The following GTF2E2 variants were observed in gnomAD, a reference collection of about 807,000 sequenced individuals.
The protein encoded by GTF2E2 is transcription initiation factor IIE subunit beta.
GTF2E2 carries 21 observed loss-of-function variants against 40.5 expected under a neutral mutation model. The ratio of observed to expected loss-of-function variants is 0.52; its 90% CI spans 0.37 to 0.75. The LOEUF (loss-of-function observed/expected upper bound fraction) is 0.75. Ranked by LOEUF, GTF2E2 falls within the 30% of genes least tolerant of loss-of-function variation. The probability of loss-of-function intolerance (pLI) is 0.00; values close to 1 mark genes in which losing one functional copy is unlikely to be tolerated. For synonymous variants in GTF2E2, 117 were observed against 121.6 expected, an observed-to-expected ratio of 0.96 and a Z score of 0.25; for missense variants, 298 against 338.4, an observed-to-expected ratio of 0.88 and a Z score of 0.94.
intron 5 of GTF2E2, among the ~76,000 whole-genome samples, chr8:30,609,119 A>G (rs2151126128): frequency 6.6e-6 from 1 of 152,192 alleles, no homozygotes; most frequent in South Asian, 2.1e-4. Flanking sequence ...TAGAAAAATT[A>G]GCTGAACACG....
intron 6 of GTF2E2, among the ~76,000 whole-genome samples, chr8:30,603,321 T>C (rs1188407409): frequency 6.6e-6 from 1 of 151,940 alleles, no homozygotes; most frequent in Admixed American, 6.6e-5. Context: ...TTACAACATA[T>C]AATAAAGACG....
In GTF2E2 at chr8:30,648,010, G is replaced by A. The variant is rs187676594; in HGVS notation, c.166+5423C>T. On this transcript the variant is annotated intron_variant, in intron 2 of 7. Transcript: ENST00000355904. ...ATTGGAAGCTCTGTCAAAAAGAGTAGTGATATGGGAACTCAAAGGTTATAC... is the reference window on the plus strand; with the variant it reads ...ATTGGAAGCTCTGTCAAAAAGAGTAATGATATGGGAACTCAAAGGTTATAC... 4.5e-4 allele frequency among the ~76,000 whole-genome samples: 69 copies of A among 152,312 alleles called. 1 individual carries two copies. The highest frequency in any genetic ancestry group is 1.6e-3 in the African/African-American group (68 of 41,556).
At chr8:30,598,223 C>T (rs1200477485) in intron 6 of GTF2E2, among the ~76,000 whole-genome samples, 2 of 152,194 alleles carry the variant, frequency 1.3e-5, no homozygotes, top group Non-Finnish European at 2.9e-5. Flanking sequence ...ACACTTTCTA[C>T]CACTGCAAAA....
chr8:30,639,470 C>G (rs182804921), intron 2 of GTF2E2, among the ~76,000 whole-genome samples: 5 of 152,104 alleles, frequency 3.3e-5, no homozygotes, highest in Admixed American at 6.6e-5. Flanking sequence ...CAAAGTAAGT[C>G]CTTTTGATAA....
intron 2 of GTF2E2, among the ~76,000 whole-genome samples, chr8:30,644,270 T>C (rs1035447472): frequency 6.6e-6 from 1 of 152,212 alleles, no homozygotes; most frequent in Admixed American, 6.5e-5. Context: ...CAGCTTCTTT[T>C]GTGAAATGGA....
At chr8:30,608,960 AGGAC>A (rs1829401951) in intron 5 of GTF2E2, among the ~76,000 whole-genome samples, 1 of 151,838 alleles carries the variant, frequency 6.6e-6, no homozygotes, top group Admixed American at 6.6e-5. Context: ...CATGTTAGCC[AGGAC>A]GGTCTCAATC....
chr8:30,582,796 G>A (rs755361653), intron 6 of GTF2E2, among the ~76,000 whole-genome samples: 2 of 152,156 alleles, frequency 1.3e-5, no homozygotes, highest in African/African-American at 4.8e-5. Flanking sequence ...ACATGGACCC[G>A]GTAAACGCTG....
At chr8:30,631,944 C>CA (rs964787644) in intron 3 of GTF2E2, among the ~76,000 whole-genome samples, 39 of 151,626 alleles carry the variant, frequency 2.6e-4, no homozygotes, top group African/African-American at 6.8e-4. Context: ...CCTGTCTCTA[C>CA]AAAAAAAATA....
At chr8:30,603,873 T>C (rs1829249227) in intron 6 of GTF2E2, among the ~76,000 whole-genome samples, 1 of 151,542 alleles carries the variant, frequency 6.6e-6, no homozygotes, top group Non-Finnish European at 1.5e-5. Context: ...AAAATAACAG[T>C]GAGAAAATTA....
chr8:30,634,445 C>CA (rs908515312), intron 3 of GTF2E2, among the ~76,000 whole-genome samples: 175 of 143,280 alleles, frequency 1.2e-3, no homozygotes, highest in African/African-American at 3.8e-3. Flanking sequence ...AAGACTGTCT[C>CA]AAAAAAAAAG....
chr8:30,588,082 A>G (rs1828735586), intron 6 of GTF2E2, among the ~76,000 whole-genome samples: 2 of 152,186 alleles, frequency 1.3e-5, no homozygotes, highest in Admixed American at 6.5e-5. Flanking sequence ...ACATGCACTG[A>G]TGAGGATGTA....
chr8:30,618,269 C>CCTGGGCAACAGA (rs3837155), intron 3 of GTF2E2, among the ~76,000 whole-genome samples: 118,526 of 145,814 alleles, frequency 0.81, 48,789 homozygotes, highest in African/African-American at 0.93. Context: ...TGCACTCCAG[C>CCTGGGCAACAGA]GCAACACTCT....
intron 3 of GTF2E2, among the ~76,000 whole-genome samples, chr8:30,620,765 C>CAAA (rs754974238): frequency 7.6e-6 from 1 of 131,152 alleles, no homozygotes; most frequent in African/African-American, 2.8e-5. Flanking sequence ...CTCGACTCCA[C>CAAA]AAAAAAAAAA....
intron 2 of GTF2E2, chr8:30,645,683 C>T (rs1249744831): frequency 1.5e-6 from 2 of 1,300,872 alleles, no homozygotes; most frequent in African/African-American, 3.0e-5. Flanking sequence ...ACTGTTGCTA[C>T]AAAACAAATT....
chr8:30,580,256 A>C, intron 7 of GTF2E2, 25 bp downstream of exon 7: 1 of 1,265,324 alleles, frequency 7.9e-7, no homozygotes. Flanking sequence ...CAGGGGATTA[A>C]GCTGCTTTGC....
intron 2 of GTF2E2, among the ~76,000 whole-genome samples, chr8:30,648,871 T>C (rs1178648644): frequency 6.6e-6 from 1 of 152,230 alleles, no homozygotes; most frequent in Admixed American, 6.5e-5. Flanking sequence ...CAGTTTATCC[T>C]ACCCTGACTG....
At chr8:30,657,323 A>G (rs922973064) in intron 1 of GTF2E2, among the ~76,000 whole-genome samples, 1 of 152,174 alleles carries the variant, frequency 6.6e-6, no homozygotes, top group African/African-American at 2.4e-5. Flanking sequence ...AAACCCAAAA[A>G]TTAAACTGAA....
intron 2 of GTF2E2, among the ~76,000 whole-genome samples, chr8:30,651,666 T>C (rs183887268): frequency 6.4e-4 from 98 of 152,340 alleles, no homozygotes; most frequent in African/African-American, 2.2e-3. Context: ...CTTCCCCAAA[T>C]TGATTTATAG....
intron 1 of GTF2E2, among the ~76,000 whole-genome samples, chr8:30,655,806 A>AT (rs888429663): frequency 2.6e-5 from 4 of 151,158 alleles, no homozygotes; most frequent in Admixed American, 1.3e-4. Context: ...CTCAGTTTCA[A>AT]TTTTTTTTTC....
Sources: allele counts gnomAD v4.1 joint callset (sites outside exome capture counted in the v4.1 genomes callset), GRCh38; gene constraint gnomAD v4.1.1; transcripts MANE v1.5; gene names NCBI Gene and HGNC (gene_info 2026-07-23, HGNC 2026-07-21).